MED16: variants seen among roughly 807,000 people sequenced by gnomAD.
The protein encoded by MED16 is mediator complex subunit 16.
MED16 carries 81 observed loss-of-function variants against 84.4 expected under a neutral mutation model. The observed-to-expected ratio is 0.96, with a 90% CI of 0.80 to 1.15. The LOEUF (loss-of-function observed/expected upper bound fraction) is 1.15, where lower values mean the gene tolerates loss of function less well. Ranked by LOEUF, MED16 falls within the 50% of genes most tolerant of loss-of-function variation. MED16 has a pLI of 0.00. For synonymous variants in MED16, 897 were observed against 552.2 expected (o/e 1.62, Z -8.76); for missense variants, 1,585 against 1,245.9 (o/e 1.27, Z -4.10).
chr19:876,857 G>A, intron 9 of MED16, 117 bp downstream of exon 9: 1 of 863,958 alleles, frequency 1.2e-6, no homozygotes, highest in Non-Finnish European at 1.6e-6. Context: ...GCCCCACCTG[G>A]CACGGGACCA....
rs373048886 is a variant in MED16, at chr19:872,650, G to T, written c.1906-532C>A. Among the ~76,000 whole-genome samples, 11 of 151,542 alleles carry T rather than the reference G, an allele frequency of 7.3e-5. No individual in the cohort carries two copies. The East Asian group carries it at 2.2e-3, about 30-fold the overall frequency. On this transcript the variant is annotated intron_variant, in intron 11 of 15. Transcript: ENST00000325464. ...CAGCTGGGGCAGGACAGAGTGTACC[G>T]GCGGGGGGGTGGGGGCGAGGTTGGA...
chr19:874,171 T>TG, intron 10 of MED16, among the ~76,000 whole-genome samples: 2 of 152,104 alleles, frequency 1.3e-5, no homozygotes, highest in South Asian at 4.2e-4. Context: ...TGGAGTGCAG[T>TG]GGGGTGATCT....
In MED16 at chr19:868,109, G is replaced by C. The variant is rs151170454; in HGVS notation, c.2626C>G (p.Arg876Gly). The change falls in exon 16 of 16, where the codon CGT becomes GGT. Residue 876 changes from arginine to glycine, a missense_variant. Arg to Gly is a moderately radical substitution (Grantham distance 125). Transcript: ENST00000325464. ...GCCTGGACCCCCGGCCGTCACGGACGGTCCTCTGGATGCAGATGGTCCAGG... is the reference window on the plus strand; with the variant it reads ...GCCTGGACCCCCGGCCGTCACGGACCGTCCTCTGGATGCAGATGGTCCAGG... ...RSLDHLHPED[R>G]P 2.5e-6 allele frequency: 4 copies of C among 1,608,196 alleles called. No individual in the cohort carries two copies. The highest frequency in any genetic ancestry group is 3.4e-6 in the Non-Finnish European group (4 of 1,178,580).
In MED16 at chr19:885,907, C is replaced by A. The variant is rs1276049036; in HGVS notation, c.742G>T (p.Val248Leu). The A allele has an allele frequency of 6.2e-7, 1 of 1,613,498 alleles. No homozygotes were observed. The highest frequency in any genetic ancestry group is 1.3e-5 in the African/African-American group (1 of 74,948). The part of the protein sequence containing the change: ...PVQFYKVCVS[V>L]VSEKCRIDTE... ...TCGATACGGCACTTCTCGCTCACCA[C>A]GCTCACGCACACCTTGTAGAACTGC... The change falls in exon 5 of 16, where the codon GTG becomes TTG. Residue 248 changes from valine to leucine, a missense_variant. By Grantham distance (32) the Val-to-Leu change is conservative (BLOSUM62 1). Transcript: ENST00000325464.
intron 11 of MED16, among the ~76,000 whole-genome samples, 149 bp downstream of exon 11, chr19:873,286 AGCAGGGGCGGGACT>A (rs2036140044): frequency 1.8e-5 from 1 of 56,446 alleles, no homozygotes; most frequent in African/African-American, 1.0e-4. Context: ...TGGGACTCCA[AGCAGGGGCGGGACT>A]CCAAGTAGGG....
intron 8 of MED16, among the ~76,000 whole-genome samples, chr19:878,407 C>CTG (rs2036318419): frequency 1.1e-5 from 1 of 90,216 alleles, no homozygotes; most frequent in Non-Finnish European, 2.2e-5. Flanking sequence ...TCACCTTTCC[C>CTG]TGGTTGTCAA....
At position 880,157 on chromosome 19, in the gene MED16, C is replaced by G; in HGVS notation, c.1142-9G>C. 6.2e-7 allele frequency: 1 copy of G among 1,603,902 alleles called. No individual in the cohort carries two copies. The highest frequency in any genetic ancestry group is 8.5e-7 in the Non-Finnish European group (1 of 1,177,620). On this transcript the variant is annotated splice_polypyrimidine_tract_variant and intron_variant, in intron 7 of 15. Coordinates refer to ENST00000325464, the MANE Select transcript of MED16 (RefSeq NM_005481.3). ...GAAGGCCAGGGCCAGCCCTGTGGGG[C>G]ACAGGCACTGCTTAGACATGGGCAG...
At position 868,865 on chromosome 19, in the gene MED16, G is replaced by T. The variant is rs144469187; in HGVS notation, c.2397C>A (p.Thr799=). 3.3e-4 allele frequency: 517 copies of T among 1,548,534 alleles called. 7 individuals carry two copies. The African/African-American group carries it at 6.4e-3, about 19-fold the overall frequency. The change falls in exon 14 of 16, where the codon ACC becomes ACA. Residue 799 remains threonine, a splice_region_variant and synonymous_variant. Transcript: ENST00000325464. The stretch of plus-strand genomic sequence containing the variant: ...CAGCGGTTCCGGGGGCCCCTCACCT[G>T]GTGCAGGCCTTGCATTCCTCCGTGG... ...ACPTEECKAC[T]RCGCVTMLKS...
chr19:885,012 CG>C lies in MED16; in HGVS notation c.880-5del. On this transcript the variant is annotated splice_polypyrimidine_tract_variant and splice_region_variant and intron_variant, in intron 5 of 15. Transcript: ENST00000325464. ...GGCTGGACGCGCACAAAAGCACCTGCGGGGGAGGTGGGGGTGAGGGCTGACC... is the reference window on the plus strand; with the variant it reads ...GGCTGGACGCGCACAAAAGCACCTGCGGGGAGGTGGGGGTGAGGGCTGACC... 1.9e-6 allele frequency: 3 copies of C among 1,590,572 alleles called. No homozygotes were observed.
At chr19:871,615 G>A (rs752444603) in intron 12 of MED16, 12 of 1,595,668 alleles carry the variant, frequency 7.5e-6, no homozygotes, top group Admixed American at 3.3e-5. Context: ...CCTGGAAGTG[G>A]CTGCCATCCC....
At chr19:880,197 C>G (rs958280182) in intron 7 of MED16, 49 bp from the exon 8 acceptor site, 1 of 1,521,788 alleles carries the variant, frequency 6.6e-7, no homozygotes, top group Non-Finnish European at 8.8e-7. Flanking sequence ...CAGGACACGC[C>G]CGCCGGGGGA....
At chr19:872,179 G>C in intron 11 of MED16, 61 bp from the exon 12 acceptor site, 3 of 1,457,696 alleles carry the variant, frequency 2.1e-6, no homozygotes, top group Non-Finnish European at 2.8e-6. Context: ...ATGGGATGAA[G>C]TGTCTTGGGG....
At chr19:886,608 G>A (rs999793445) in intron 4 of MED16, among the ~76,000 whole-genome samples, 8 of 152,260 alleles carry the variant, frequency 5.3e-5, no homozygotes, top group Non-Finnish European at 1.0e-4. Context: ...CACAAACCCA[G>A]GCGGGGGCCG....
At chr19:882,480 C>T (rs918781698) in intron 6 of MED16, among the ~76,000 whole-genome samples, 11 of 152,148 alleles carry the variant, frequency 7.2e-5, no homozygotes, top group African/African-American at 2.7e-4. Context: ...GCCAAGATCA[C>T]GCCACTGCAC....
chr19:871,535 G>A lies in MED16; in HGVS notation c.2099-282C>T, dbSNP rs754454296. On this transcript the variant is annotated intron_variant, in intron 12 of 15. Transcript: ENST00000325464. ...GCACTGTGCCTTTTCCAGACACTGGGATGTAAGAATGACACAGCTCACCCT... is the reference window on the plus strand; with the variant it reads ...GCACTGTGCCTTTTCCAGACACTGGAATGTAAGAATGACACAGCTCACCCT... 35 of 1,575,570 alleles carry A rather than the reference G, an allele frequency of 2.2e-5. No homozygotes were observed. The African/African-American group carries it at 4.2e-4, about 19-fold the overall frequency.
rs1258676539 is a variant in MED16 at position 868,192 on chromosome 19, G to A, written c.2543C>T (p.Pro848Leu). Residue 848 changes from proline (P) to leucine (L), a missense_variant, in exon 16 of 16, where the codon CCT becomes CTT. Transcript: ENST00000325464. Reference sequence around the variant, plus strand: ...CTGCGGGCCCAGCTGGACAAAGGCAGGGGCTTCCTCAGAAGCTCTGCTGGT... The same window carrying A: ...CTGCGGGCCCAGCTGGACAAAGGCAAGGGCTTCCTCAGAAGCTCTGCTGGT... ...CVTSRASEEA[P>L]AFVQLGPQST... The A allele has an allele frequency of 6.2e-7, 1 of 1,607,912 alleles. No homozygotes were observed.
intron 7 of MED16, among the ~76,000 whole-genome samples, chr19:881,331 A>G (rs2036418928): frequency 6.6e-6 from 1 of 152,180 alleles, no homozygotes; most frequent in Non-Finnish European, 1.5e-5. Context: ...TTACATATTA[A>G]AGAACACTGG....
Position 886,299 on chromosome 19 carries a change from C to T in MED16, c.448-98G>A, listed in dbSNP as rs965086186. Reference sequence around the variant, plus strand: ...GCGCACAGAAGAACCACGCAGAAGCCAGGAGTGTGTGCACCTGGGTTCAGA... The same window carrying T: ...GCGCACAGAAGAACCACGCAGAAGCTAGGAGTGTGTGCACCTGGGTTCAGA... On this transcript the variant is annotated intron_variant, in intron 4 of 15. Coordinates refer to ENST00000325464, the MANE Select transcript of MED16 (RefSeq NM_005481.3). The T allele has an allele frequency of 5.4e-6, 6 of 1,104,450 alleles. No individual in the cohort carries two copies. In the African/African-American group the frequency reaches 9.7e-5, roughly 18 times the overall value. 68.4% of individuals were successfully genotyped at this position (1,104,450 alleles called of 1,614,324 possible).
intron 7 of MED16, among the ~76,000 whole-genome samples, chr19:880,456 G>A (rs1161813894): frequency 1.3e-5 from 2 of 152,210 alleles, no homozygotes; most frequent in African/African-American, 4.8e-5. Context: ...GGCACTACAG[G>A]TGGGGGACCA....
Sources: gnomAD v4.1 joint callset for allele counts (sites outside exome capture counted in the v4.1 genomes callset) on GRCh38, gnomAD v4.1.1 for gene constraint, MANE v1.5 for transcripts, NCBI Gene and HGNC (gene_info 2026-07-23, HGNC 2026-07-21) for gene names.